The following PIGN variants were observed in gnomAD, a reference collection of about 807,000 sequenced individuals.
The protein encoded by PIGN is phosphatidylinositol glycan anchor biosynthesis class N.
A neutral mutation model predicts 125.4 loss-of-function variants in PIGN; 117 were observed. The ratio of observed to expected loss-of-function variants is 0.93; its 90% CI spans 0.80 to 1.09. The LOEUF (loss-of-function observed/expected upper bound fraction) is 1.09. PIGN is among the 50% of genes least tolerant of loss of function. The pLI is 0.00. For synonymous variants in PIGN, 392 were observed against 377.8 expected, an observed-to-expected ratio of 1.04 and a Z score of -0.44; for missense variants, 1,075 against 1,094.9, an observed-to-expected ratio of 0.98 and a Z score of 0.26.
At position 62,077,425 on chromosome 18, in the gene PIGN, T is replaced by A. The variant is rs78386975; in HGVS notation, c.2577-2604A>T. On this transcript the variant is annotated intron_variant, in intron 28 of 30. Coordinates refer to ENST00000640252, the MANE Select transcript of PIGN (RefSeq NM_176787.5). ...AACCTTTAAAAAACCTTTACATACC[T>A]TTTTTAAAAAGTTTTGATTTTTTAG... 5.8e-3 allele frequency among the ~76,000 whole-genome samples: 886 copies of A among 152,244 alleles called. 6 individuals are homozygous for A. The highest frequency in any genetic ancestry group is 0.02 in the African/African-American group (826 of 41,538).
chr18:62,133,951 T>TTTAA (rs1181090457), intron 14 of PIGN, among the ~76,000 whole-genome samples: 1 of 152,216 alleles, frequency 6.6e-6, no homozygotes, highest in African/African-American at 2.4e-5. Flanking sequence ...TGCCTACATT[T>TTTAA]TTAAAAAACA....
chr18:62,167,367 C>T lies in PIGN; in HGVS notation c.-235-3711G>A, dbSNP rs982058857. On this transcript the variant is annotated intron_variant, in intron 1 of 30. Coordinates refer to ENST00000640252, the MANE Select transcript of PIGN (RefSeq NM_176787.5). ...TCAAAGTTGGCCAGGCATGGTGGCT[C>T]ATGCCTGTAATCCCAGCATTTTGGG... Among the ~76,000 whole-genome samples the T allele has an allele frequency of 3.7e-5, 5 of 135,570 alleles. 1 individual carries two copies. The highest frequency in any genetic ancestry group is 8.1e-5 in the Non-Finnish European group (5 of 62,002). 88.9% of individuals were successfully genotyped at this position (135,570 alleles called of 152,430 possible). A position where few individuals can be genotyped will look rare whatever the true frequency, so the allele number is the denominator to read the frequency against.
intron 28 of PIGN, among the ~76,000 whole-genome samples, chr18:62,082,179 T>G (rs1264274975): frequency 6.6e-6 from 1 of 152,142 alleles, no homozygotes; most frequent in Non-Finnish European, 1.5e-5. Flanking sequence ...AAAGAATACT[T>G]CCTACTCCAT....
chr18:62,061,611 G>A (rs1240039296), intron 30 of PIGN, among the ~76,000 whole-genome samples: 1 of 151,078 alleles, frequency 6.6e-6, no homozygotes, highest in Non-Finnish European at 1.5e-5. Context: ...GGCTGAAATC[G>A]CTAATTATAC....
chr18:62,105,505 T>G, intron 20 of PIGN, 38 bp downstream of exon 20: 1 of 1,173,784 alleles, frequency 8.5e-7, no homozygotes, highest in Non-Finnish European at 1.2e-6. Context: ...GAAAAAAAAG[T>G]GTATTGAAAA....
chr18:62,060,534 C>T (rs986689525), intron 30 of PIGN, among the ~76,000 whole-genome samples: 10 of 152,060 alleles, frequency 6.6e-5, no homozygotes, highest in African/African-American at 2.4e-4. Context: ...TTTTATGACA[C>T]TTATTAATTA....
At chr18:62,029,454 G>A (rs2030164944) in intron 23 of PIGN, among the ~76,000 whole-genome samples, 1 of 152,176 alleles carries the variant, frequency 6.6e-6, no homozygotes, top group South Asian at 2.1e-4. Context: ...ATGGAAGGAT[G>A]GTTGGGTAGA....
Position 62,084,582 on chromosome 18 carries a change from G to A in PIGN, c.2451C>T (p.Cys817=). Residue 817 remains cysteine, a synonymous_variant, in exon 27 of 31, where the codon TGC becomes TGT. Coordinates refer to ENST00000640252, the MANE Select transcript of PIGN (RefSeq NM_176787.5). ...INSFDLASVY[C]FLTVFSPFMM... is the part of the protein sequence containing the mutation. The stretch of plus-strand genomic sequence containing the variant: ...TAAAAGGACTGAACACAGTCAGAAA[G>A]CAATAGACAGAGGCAAGATCAAAGC... 1 of 1,558,096 alleles carries A rather than the reference G, an allele frequency of 6.4e-7. No individual in the cohort carries two copies. Among genetic ancestry groups the A allele is most frequent in the Non-Finnish European group, 8.7e-7 (1 of 1,149,200 alleles).
chr18:62,116,971 C>T (rs1370598042), intron 14 of PIGN, among the ~76,000 whole-genome samples: 1 of 151,862 alleles, frequency 6.6e-6, no homozygotes, highest in South Asian at 2.1e-4. Context: ...GAAATATTTA[C>T]ATTATATATT....
intron 16 of PIGN, among the ~76,000 whole-genome samples, chr18:62,111,446 T>C (rs2034876396): frequency 6.6e-6 from 1 of 152,158 alleles, no homozygotes; most frequent in South Asian, 2.1e-4. Flanking sequence ...CCTGTTATCG[T>C]CACCCTAAAG....
At chr18:62,056,674 T>A (rs972752661) in intron 30 of PIGN, 2 of 152,332 alleles carry the variant, frequency 1.3e-5, no homozygotes, top group African/African-American at 2.4e-5. Flanking sequence ...TCATCCCAAC[T>A]CTCCCACTAA....
chr18:62,086,366 C>T (rs1461508149), intron 25 of PIGN, among the ~76,000 whole-genome samples: 1 of 152,162 alleles, frequency 6.6e-6, no homozygotes, highest in Non-Finnish European at 1.5e-5. Flanking sequence ...TGCCTGTAAT[C>T]CCAGCACTTA....
chr18:62,130,476 C>CTAAA (rs1483003467), intron 14 of PIGN, among the ~76,000 whole-genome samples: 2 of 151,670 alleles, frequency 1.3e-5, no homozygotes, highest in East Asian at 3.9e-4. Context: ...CCTTTATTGA[C>CTAAA]TAAATTGTTT....
At chr18:62,153,924 T>C (rs1463252046) in intron 7 of PIGN, 4 of 152,134 alleles carry the variant, frequency 2.6e-5, no homozygotes, top group African/African-American at 4.8e-5. Flanking sequence ...TGAGGAATAA[T>C]GCACTGGTAA....
intron 28 of PIGN, among the ~76,000 whole-genome samples, chr18:62,080,407 T>C (rs2033392617): frequency 6.6e-6 from 1 of 152,248 alleles, no homozygotes; most frequent in African/African-American, 2.4e-5. Context: ...GTGACACTTT[T>C]GGCAGGTTGT....
rs377279174 is a variant in PIGN, at chr18:62,109,992, C to T, written c.1435-19G>A. 2.5e-6 allele frequency: 4 copies of T among 1,611,840 alleles called. No individual in the cohort carries two copies. The highest frequency in any genetic ancestry group is 2.2e-5 in the East Asian group (1 of 44,724). On this transcript the variant is annotated intron_variant, in intron 16 of 30. Transcript: ENST00000640252. Reference sequence around the variant, plus strand: ...TTGGTTTCTGAAAAATCAAACAAAACATTGAAACACTTCCAAACCAATGGT... The same window carrying T: ...TTGGTTTCTGAAAAATCAAACAAAATATTGAAACACTTCCAAACCAATGGT...
At chr18:62,120,337 T>C (rs1037700727) in intron 14 of PIGN, among the ~76,000 whole-genome samples, 8 of 152,188 alleles carry the variant, frequency 5.3e-5, no homozygotes, top group Non-Finnish European at 7.3e-5. Flanking sequence ...AGAATTTCAC[T>C]TGAAAAGATG....
chr18:62,159,298 A>AACT (rs2147567626), intron 4 of PIGN, among the ~76,000 whole-genome samples: 2 of 152,302 alleles, frequency 1.3e-5, no homozygotes, highest in African/African-American at 4.8e-5. Context: ...AAGAAGCTAG[A>AACT]AGATTCCTGA....
chr18:62,062,830 T>A (rs1568131279), intron 30 of PIGN, among the ~76,000 whole-genome samples: 1 of 151,062 alleles, frequency 6.6e-6, no homozygotes, highest in South Asian at 2.1e-4. Flanking sequence ...TGTCATTCTG[T>A]TTCCCTTGGT....
Sources: gnomAD v4.1 joint callset for allele counts (sites outside exome capture counted in the v4.1 genomes callset) on GRCh38, gnomAD v4.1.1 for gene constraint, MANE v1.5 for transcripts, NCBI Gene and HGNC (gene_info 2026-07-23, HGNC 2026-07-21) for gene names.